ASB3: variants seen among roughly 807,000 people sequenced by gnomAD.
The protein encoded by ASB3 is ankyrin repeat and SOCS box protein 3.
ASB3 carries 41 observed loss-of-function variants against 54.5 expected under a neutral mutation model. That is an observed-to-expected ratio of 0.75 (90% CI 0.59 to 0.98). The LOEUF (loss-of-function observed/expected upper bound fraction) is 0.98, where lower values mean the gene tolerates loss of function less well. ASB3 is among the 50% of genes least tolerant of loss of function. The pLI is 0.00. For synonymous variants in ASB3, 266 were observed against 221.2 expected, an observed-to-expected ratio of 1.20 and a Z score of -1.80; for missense variants, 733 against 620.0, an observed-to-expected ratio of 1.18 and a Z score of -1.94.
In ASB3 at chr2:53,670,604, T is replaced by A; in HGVS notation, c.1456A>T (p.Ser486Cys). 6.2e-7 allele frequency: 1 copy of A among 1,614,112 alleles called. No individual in the cohort carries two copies. The change falls in exon 10 of 10, where the codon AGT becomes TGT. Residue 486 changes from serine (S) to cysteine (C), a missense_variant. Physicochemically the swap from Ser to Cys is moderately radical, Grantham distance 112 (BLOSUM62 -1). Transcript: ENST00000263634. ...SERLRSDSYI[S>C]QLPLPRSLHN... is the part of the protein sequence containing the mutation. Reference sequence around the variant, plus strand: ...AGGCTTCTGGGAAGTGGCAGCTGACTAATATAACTGTCAGACCGTAGACGT... The same window carrying A: ...AGGCTTCTGGGAAGTGGCAGCTGACAAATATAACTGTCAGACCGTAGACGT...
rs1670274665 is a variant in ASB3, at chr2:53,714,404, C to A, written c.960G>T (p.Val320=). ...CATACTCCTTTTGGAAAGCCATGCA[C>A]ACAGGAGAACTGAATCCAAAAACAA... ...ACLVFGFSSP[V]CMAFQKDCEF... The change falls in exon 7 of 10, where the codon GTG becomes GTT. Residue 320 remains valine (V), a synonymous_variant. Coordinates refer to ENST00000263634, the MANE Select transcript of ASB3 (RefSeq NM_016115.5). 1 of 1,614,084 alleles carries A rather than the reference C, an allele frequency of 6.2e-7. No homozygotes were observed. The highest frequency in any genetic ancestry group is 1.1e-5 in the South Asian group (1 of 91,084).
chr2:53,740,734 C>A (rs528175429), intron 3 of ASB3, among the ~76,000 whole-genome samples: 10 of 152,222 alleles, frequency 6.6e-5, no homozygotes, highest in African/African-American at 2.4e-4. Flanking sequence ...CAATCATCCA[C>A]GTTATCACTG....
chr2:53,702,763 T>A (rs995746081), intron 7 of ASB3, among the ~76,000 whole-genome samples: 6 of 152,124 alleles, frequency 3.9e-5, no homozygotes, highest in Non-Finnish European at 7.4e-5. Context: ...TGCTCACACA[T>A]AAAAGAAGCA....
intron 8 of ASB3, among the ~76,000 whole-genome samples, chr2:53,696,082 C>T (rs1451755271): frequency 6.6e-6 from 1 of 152,134 alleles, no homozygotes; most frequent in East Asian, 1.9e-4. Flanking sequence ...TAAACATTGG[C>T]TTTACCCATT....
intron 9 of ASB3, among the ~76,000 whole-genome samples, chr2:53,688,084 TG>T (rs1184614288): frequency 6.6e-6 from 1 of 152,234 alleles, no homozygotes; most frequent in Non-Finnish European, 1.5e-5. Flanking sequence ...CCTCTCAAAG[TG>T]GGATTACAGG....
chr2:53,707,953 C>G (rs1431330236), intron 7 of ASB3, among the ~76,000 whole-genome samples: 1 of 125,654 alleles, frequency 8.0e-6, no homozygotes, highest in Non-Finnish European at 1.6e-5. Context: ...TAGAGTCAGA[C>G]TCTGTCTCAA....
At chr2:53,784,115 T>C (rs1431705100) in intron 1 of ASB3, among the ~76,000 whole-genome samples, 2 of 152,268 alleles carry the variant, frequency 1.3e-5, no homozygotes. Context: ...ACATTTTTTC[T>C]CTGCAGATGC....
At chr2:53,730,705 C>A (rs1233606956) in intron 3 of ASB3, among the ~76,000 whole-genome samples, 1 of 152,082 alleles carries the variant, frequency 6.6e-6, no homozygotes, top group Non-Finnish European at 1.5e-5. Context: ...TCGCCAGCAC[C>A]TGTTATTTTT....
At chr2:53,742,507 A>C (rs1671988504) in intron 3 of ASB3, among the ~76,000 whole-genome samples, 1 of 152,214 alleles carries the variant, frequency 6.6e-6, no homozygotes, top group African/African-American at 2.4e-5. Flanking sequence ...AGCTAAATCT[A>C]CAACTGTAAA....
intron 2 of ASB3, among the ~76,000 whole-genome samples, chr2:53,754,562 G>A (rs967415153): frequency 6.6e-6 from 1 of 152,086 alleles, no homozygotes; most frequent in African/African-American, 2.4e-5. Flanking sequence ...AAAATCACTG[G>A]ACCAGGAAGA....
chr2:53,697,182 T>A (rs902164786), intron 8 of ASB3, among the ~76,000 whole-genome samples: 1 of 152,130 alleles, frequency 6.6e-6, no homozygotes, highest in Non-Finnish European at 1.5e-5. Context: ...TAGAAGACAC[T>A]CCCACCAGCC....
At chr2:53,729,360 C>T in intron 4 of ASB3, 98 bp downstream of exon 4, 2 of 1,176,310 alleles carry the variant, frequency 1.7e-6, no homozygotes, top group Non-Finnish European at 2.4e-6. Flanking sequence ...CATCATAAAT[C>T]ACAGGCAAGC....
intron 2 of ASB3, among the ~76,000 whole-genome samples, chr2:53,751,431 T>C (rs1672504842): frequency 6.6e-6 from 1 of 152,194 alleles, no homozygotes; most frequent in South Asian, 2.1e-4. Flanking sequence ...ATGGTTTAAT[T>C]GTTAATGAAA....
intron 1 of ASB3, among the ~76,000 whole-genome samples, chr2:53,776,438 T>G (rs1674340297): frequency 6.6e-6 from 1 of 152,210 alleles, no homozygotes; most frequent in African/African-American, 2.4e-5. Flanking sequence ...TATGCCTATC[T>G]TTTTTCAGCA....
chr2:53,670,449 G>A lies in ASB3; in HGVS notation c.*54C>T. On this transcript the variant is annotated 3_prime_UTR_variant, in exon 10 of 10. Transcript: ENST00000263634. The stretch of plus-strand genomic sequence containing the variant: ...AAAACTTGTACTCTGTGGCTCTTTT[G>A]TCTCGATGATTTTTCAGAGAAAAAA... The A allele has an allele frequency of 6.4e-7, 1 of 1,566,182 alleles. No homozygotes were observed. Among genetic ancestry groups the A allele is most frequent in the Non-Finnish European group, 8.6e-7 (1 of 1,156,276 alleles).
chr2:53,752,768 G>T (rs550087220), intron 2 of ASB3, among the ~76,000 whole-genome samples: 9 of 152,146 alleles, frequency 5.9e-5, no homozygotes, highest in Non-Finnish European at 1.3e-4. Flanking sequence ...CTTAAAGTTA[G>T]AAAAAGTGAA....
chr2:53,775,804 GGCTACAAGT>G (rs1352374674), intron 1 of ASB3, among the ~76,000 whole-genome samples: 1 of 152,086 alleles, frequency 6.6e-6, no homozygotes, highest in African/African-American at 2.4e-5. Flanking sequence ...CAAATTTATG[GGCTACAAGT>G]GCCATTTTGT....
intron 5 of ASB3, among the ~76,000 whole-genome samples, chr2:53,717,988 A>G (rs1197399026): frequency 6.6e-6 from 1 of 152,184 alleles, no homozygotes. Context: ...GTCAGATAAA[A>G]ATAAAAATAA....
At chr2:53,680,006 T>C (rs1386198588) in intron 9 of ASB3, among the ~76,000 whole-genome samples, 1 of 152,178 alleles carries the variant, frequency 6.6e-6, no homozygotes, top group African/African-American at 2.4e-5. Context: ...TGGTTTTCTG[T>C]TCCTGCATTA....
Sources: allele counts gnomAD v4.1 joint callset (sites outside exome capture counted in the v4.1 genomes callset), GRCh38; gene constraint gnomAD v4.1.1; transcripts MANE v1.5; gene names NCBI Gene and HGNC (gene_info 2026-07-23, HGNC 2026-07-21).